The following PPM1E variants were observed in gnomAD, a reference collection of about 807,000 sequenced individuals.
PPM1E encodes protein phosphatase 1E.
A neutral mutation model predicts 65.9 loss-of-function variants in PPM1E; 20 were observed. The ratio of observed to expected loss-of-function variants is 0.30; its 90% CI spans 0.21 to 0.44. The LOEUF is 0.44. PPM1E is among the 20% of genes least tolerant of loss of function. PPM1E has a pLI of 1.00. For missense variants in PPM1E, 713 were observed against 953.1 expected (o/e 0.75, Z 3.32); for synonymous variants, 352 against 374.9 (o/e 0.94, Z 0.70).
rs139907785 is a variant in PPM1E, at chr17:58,923,702, G to A, written c.465-31947G>A. ...GCGGAGGTTGCAGTGAGCTGAGATC[G>A]CACTACTGCACTCCAGCCTGGGTGA... On this transcript the variant is annotated intron_variant, in intron 1 of 6. Coordinates refer to ENST00000308249, the MANE Select transcript of PPM1E (RefSeq NM_014906.5). Among the ~76,000 whole-genome samples the A allele has an allele frequency of 1.2e-3, 174 of 146,526 alleles. 2 individuals carry two copies. The East Asian group carries it at 0.016, about 13-fold the overall frequency.
At chr17:58,966,262 C>T in intron 3 of PPM1E, 1 of 370,080 alleles carries the variant, frequency 2.7e-6, no homozygotes, top group Non-Finnish European at 5.1e-6. Context: ...CGCCTGTAAT[C>T]CTAGCACTTT....
chr17:58,958,237 G>T (rs552062085), intron 2 of PPM1E, among the ~76,000 whole-genome samples: 1 of 151,176 alleles, frequency 6.6e-6, no homozygotes, highest in East Asian at 1.9e-4. Context: ...GAGAGAAAGG[G>T]TCTCCCTCTG....
At chr17:58,838,133 G>A (rs1157875459) in intron 1 of PPM1E, among the ~76,000 whole-genome samples, 1 of 152,142 alleles carries the variant, frequency 6.6e-6, no homozygotes, top group Non-Finnish European at 1.5e-5. Flanking sequence ...GTGACCTTGA[G>A]TTTGGCCATG....
At chr17:58,894,129 T>G (rs1190543517) in intron 1 of PPM1E, among the ~76,000 whole-genome samples, 1 of 151,896 alleles carries the variant, frequency 6.6e-6, no homozygotes, top group African/African-American at 2.4e-5. Context: ...ATGTATTTAT[T>G]TATTTATTTT....
intron 1 of PPM1E, among the ~76,000 whole-genome samples, chr17:58,890,594 C>G (rs1421576122): frequency 1.3e-5 from 2 of 151,890 alleles, no homozygotes; most frequent in East Asian, 3.9e-4. Flanking sequence ...AAATACAGAC[C>G]CTGCATATAA....
At chr17:58,762,462 C>CA (rs879734129) in intron 1 of PPM1E, among the ~76,000 whole-genome samples, 20 of 138,780 alleles carry the variant, frequency 1.4e-4, no homozygotes, top group South Asian at 4.5e-4. Flanking sequence ...GACCTTGTTT[C>CA]AAAAAAAAAA....
rs985413305 is a variant in PPM1E at position 58,983,640 on chromosome 17, T to A, written c.*2609T>A. On this transcript the variant is annotated 3_prime_UTR_variant, in exon 7 of 7. Transcript: ENST00000308249. ...GACAGATATAAAAGTATCTATATAA[T>A]ATCTATAAACTGTTAATGCTGAGGT... 6.5e-6 allele frequency: 1 copy of A among 152,678 alleles called. No homozygotes were observed. The highest frequency in any genetic ancestry group is 1.5e-5 in the Non-Finnish European group (1 of 68,044). The allele number at this position is 152,678 out of a possible 1,614,324, so 9.5% of individuals were successfully genotyped here. A position where few individuals can be genotyped will look rare whatever the true frequency, so the allele number is the denominator to read the frequency against.
In PPM1E at chr17:58,976,601, A is replaced by G. The variant is rs116182764; in HGVS notation, c.1211-3373A>G. Among the ~76,000 whole-genome samples the G allele has an allele frequency of 8.6e-3, 1,307 of 152,338 alleles. 19 individuals carry two copies. The highest frequency in any genetic ancestry group is 0.029 in the African/African-American group (1,219 of 41,584). ...GATCCAAAGTTGACAGAGGCATGAT[A>G]TGTTTCCTAACATATGGAGAGAAGA... On this transcript the variant is annotated intron_variant, in intron 6 of 6. Transcript: ENST00000308249.
intron 1 of PPM1E, among the ~76,000 whole-genome samples, chr17:58,848,352 G>A (rs929212923): frequency 7.2e-5 from 11 of 152,128 alleles, no homozygotes; most frequent in East Asian, 1.9e-4. Flanking sequence ...GTCTTGTGCC[G>A]GCTTTCAAAG....
chr17:58,937,268 T>C (rs2051994974), intron 1 of PPM1E, among the ~76,000 whole-genome samples: 1 of 146,748 alleles, frequency 6.8e-6, no homozygotes. Context: ...TGTCTCTTTT[T>C]TTTTTTTTTT....
At chr17:58,959,395 C>T (rs1598679316) in intron 2 of PPM1E, among the ~76,000 whole-genome samples, 1 of 149,386 alleles carries the variant, frequency 6.7e-6, no homozygotes, top group African/African-American at 2.5e-5. Context: ...GTCAGGAGAT[C>T]GAGACCATCC....
rs533067360 is a variant in PPM1E, at chr17:58,775,770, C to T, written c.464+19309C>T. Among the ~76,000 whole-genome samples the T allele has an allele frequency of 4.7e-5, 7 of 149,740 alleles. No homozygotes were observed. The East Asian group carries it at 5.9e-4, about 13-fold the overall frequency. On this transcript the variant is annotated intron_variant, in intron 1 of 6. Coordinates refer to ENST00000308249, the MANE Select transcript of PPM1E (RefSeq NM_014906.5). ...TCTACTAAAAATACAAAAAATTAGCCGGGCGCGGTGGCGGGCGCCTGTAGT... is the reference window on the plus strand; with the variant it reads ...TCTACTAAAAATACAAAAAATTAGCTGGGCGCGGTGGCGGGCGCCTGTAGT...
At chr17:58,953,469 G>A (rs1340158201) in intron 1 of PPM1E, among the ~76,000 whole-genome samples, 3 of 151,992 alleles carry the variant, frequency 2.0e-5, no homozygotes, top group Non-Finnish European at 4.4e-5. Context: ...GGAACTAATG[G>A]CACAAAAATT....
chr17:58,839,581 C>T (rs1319570264), intron 1 of PPM1E, among the ~76,000 whole-genome samples: 1 of 152,126 alleles, frequency 6.6e-6, no homozygotes, highest in Non-Finnish European at 1.5e-5. Flanking sequence ...TTAATAAATG[C>T]ATTGTTGCTA....
intron 3 of PPM1E, 80 bp from the exon 4 acceptor site, chr17:58,969,459 C>A: frequency 7.3e-7 from 1 of 1,367,232 alleles, no homozygotes; most frequent in Non-Finnish European, 1.0e-6. Context: ...AAAGGATGGG[C>A]AACAATGATG....
chr17:58,878,311 C>T (rs1035866694), intron 1 of PPM1E, among the ~76,000 whole-genome samples: 5 of 151,984 alleles, frequency 3.3e-5, no homozygotes, highest in Non-Finnish European at 7.4e-5. Flanking sequence ...GGCGCCATCT[C>T]GGTTCACTGC....
intron 1 of PPM1E, among the ~76,000 whole-genome samples, chr17:58,775,741 C>T (rs1167986410): frequency 2.0e-5 from 3 of 149,834 alleles, no homozygotes; most frequent in East Asian, 2.0e-4. Flanking sequence ...GGTGAAACCC[C>T]GTCTCTACTA....
intron 1 of PPM1E, among the ~76,000 whole-genome samples, chr17:58,784,746 A>G (rs1291156708): frequency 1.3e-5 from 2 of 151,372 alleles, no homozygotes; most frequent in African/African-American, 2.4e-5. Flanking sequence ...GATGGTCTCT[A>G]TCTCCTGACC....
At chr17:58,976,642 G>A (rs1161560053) in intron 6 of PPM1E, among the ~76,000 whole-genome samples, 1 of 152,142 alleles carries the variant, frequency 6.6e-6, no homozygotes, top group Non-Finnish European at 1.5e-5. Context: ...AAGACAAAAG[G>A]ATGTTGCCAT....
Sources: gnomAD v4.1 joint callset for allele counts (sites outside exome capture counted in the v4.1 genomes callset) on GRCh38, gnomAD v4.1.1 for gene constraint, MANE v1.5 for transcripts, NCBI Gene and HGNC (gene_info 2026-07-23, HGNC 2026-07-21) for gene names.